The following TRIML2 variants were observed in gnomAD, a reference collection of about 807,000 sequenced individuals.
The protein encoded by TRIML2 is probable E3 ubiquitin-protein ligase TRIML2.
In TRIML2, 28 loss-of-function variants were observed where a neutral mutation model predicts 31.2. The observed-to-expected ratio is 0.90, with a 90% CI of 0.66 to 1.23. TRIML2 has a LOEUF of 1.23. Ranked by LOEUF, TRIML2 falls within the 50% of genes most tolerant of loss-of-function variation. The probability of loss-of-function intolerance (pLI) is 0.00; values close to 1 mark genes in which losing one functional copy is unlikely to be tolerated. For synonymous variants in TRIML2, 187 were observed against 197.5 expected (o/e 0.95, Z 0.45); for missense variants, 536 against 528.3 (o/e 1.01, Z -0.14).
chr4:188,106,392 CA>C (rs1734041369), intron 1 of TRIML2, among the ~76,000 whole-genome samples: 1 of 152,246 alleles, frequency 6.6e-6, no homozygotes, highest in Non-Finnish European at 1.5e-5. Flanking sequence ...AAGAGATTTG[CA>C]AAACAGTGAA....
chr4:188,101,388 T>C (rs1032500025), intron 3 of TRIML2, 138 bp from the exon 4 acceptor site: 7 of 486,106 alleles, frequency 1.4e-5, no homozygotes, highest in South Asian at 6.9e-5. Context: ...TCTTTCCATC[T>C]CTAACCCCAA....
rs1044432325 is a variant in TRIML2 at position 188,091,289 on chromosome 4, T to C, written c.*84A>G. On this transcript the variant is annotated 3_prime_UTR_variant, in exon 8 of 8. Transcript: ENST00000682553. ...GCTCCTACTCCTGGAACGCTTTTTA[T>C]TGGGTTAGTTTACACAAATTCTTTC... 6.0e-6 allele frequency: 8 copies of C among 1,343,830 alleles called. No homozygotes were observed. The highest frequency in any genetic ancestry group is 6.2e-6 in the Non-Finnish European group (6 of 974,632). 83.2% of individuals were successfully genotyped at this position (1,343,830 alleles called of 1,614,324 possible).
At chr4:188,103,157 C>A (rs1360739552) in intron 3 of TRIML2, among the ~76,000 whole-genome samples, 1 of 151,806 alleles carries the variant, frequency 6.6e-6, no homozygotes, top group Admixed American at 6.6e-5. Context: ...GGACTACAGG[C>A]ACCTGCCACC....
At chr4:188,099,274 A>T in intron 4 of TRIML2, 99 bp from the exon 5 acceptor site, 2 of 1,459,598 alleles carry the variant, frequency 1.4e-6, no homozygotes, top group Admixed American at 2.4e-5. Flanking sequence ...GTTTTTAAAA[A>T]CCTGCTTTTC....
At chr4:188,099,264 G>GCTTT (rs1733666652) in intron 4 of TRIML2, 89 bp from the exon 5 acceptor site, 1 of 1,481,992 alleles carries the variant, frequency 6.7e-7, no homozygotes, top group African/African-American at 1.4e-5. Flanking sequence ...ATTCAACCAT[G>GCTTT]TTTTTAAAAA....
At chr4:188,099,279 C>T in intron 4 of TRIML2, 104 bp from the exon 5 acceptor site, 2 of 1,448,134 alleles carry the variant, frequency 1.4e-6, no homozygotes, top group Non-Finnish European at 1.8e-6. Flanking sequence ...TAAAAACCTG[C>T]TTTTCGGTTG....
At chr4:188,099,682 C>T (rs1468331808) in intron 4 of TRIML2, among the ~76,000 whole-genome samples, 1 of 151,926 alleles carries the variant, frequency 6.6e-6, no homozygotes, top group African/African-American at 2.4e-5. Flanking sequence ...CAGGATTCCT[C>T]TCAAGAGACA....
rs10015013 is a variant in TRIML2, at chr4:188,109,563, T to A, written c.-543A>T. On this transcript the variant is annotated 5_prime_UTR_variant, in exon 1 of 8. Transcript: ENST00000682553. ...AAAGTACTGGGATTACAGGAATGAG[T>A]CACCACACCGAACCAAGGTATTTCC... 0.076 allele frequency: 11,569 copies of A among 151,928 alleles called. 572 individuals are homozygous for A. The highest frequency in any genetic ancestry group is 0.1 in the Middle Eastern group (30 of 292). The allele number at this position is 151,928 out of a possible 1,614,324, so 9.4% of individuals were successfully genotyped here. A position where few individuals can be genotyped will look rare whatever the true frequency, so the allele number is the denominator to read the frequency against.
chr4:188,097,990 T>C (rs2111166964), intron 5 of TRIML2, among the ~76,000 whole-genome samples: 1 of 151,886 alleles, frequency 6.6e-6, no homozygotes, highest in South Asian at 2.1e-4. Flanking sequence ...GACATGGTGG[T>C]GGGCGCCTGT....
chr4:188,091,484 T>C lies in TRIML2; in HGVS notation c.1203A>G (p.Gln401=), dbSNP rs781174650. 5.6e-5 allele frequency: 90 copies of C among 1,614,044 alleles called. No individual in the cohort carries two copies. Among genetic ancestry groups the C allele is most frequent in the Non-Finnish European group, 7.0e-5 (83 of 1,180,040 alleles). The change falls in exon 8 of 8, where the codon CAA becomes CAG. Residue 401 remains glutamine (Q), a synonymous_variant. Coordinates refer to ENST00000682553, the MANE Select transcript of TRIML2 (RefSeq NM_173553.4). ...LIYNFSHCAF[Q]GALRPVFSLC... ...GGGAAAACACAGGCCTGAGAGCTCC[T>C]TGGAAGGCGCAATGGGAGAAATTGT...
At chr4:188,103,875 G>A (rs926852235) in intron 3 of TRIML2, among the ~76,000 whole-genome samples, 5 of 152,034 alleles carry the variant, frequency 3.3e-5, no homozygotes, top group Admixed American at 2.0e-4. Flanking sequence ...AAGGGGGATC[G>A]GTTGAAAAAT....
intron 5 of TRIML2, 76 bp from the exon 6 acceptor site, chr4:188,097,422 C>T (rs1733569125): frequency 2.2e-6 from 3 of 1,364,604 alleles, no homozygotes; most frequent in Non-Finnish European, 3.1e-6. Context: ...GGAAAATATC[C>T]TCTTACAATG....
At chr4:188,098,703 T>C (rs994608455) in intron 5 of TRIML2, 2 of 241,282 alleles carry the variant, frequency 8.3e-6, no homozygotes, top group Non-Finnish European at 1.6e-5. Context: ...GTGCTTGAAA[T>C]ACTGTTAGTG....
At chr4:188,100,940 A>T in intron 4 of TRIML2, 116 bp downstream of exon 4, 1 of 901,858 alleles carries the variant, frequency 1.1e-6, no homozygotes, top group Non-Finnish European at 1.6e-6. Context: ...GTAGGTATAT[A>T]ATTCATTTAA....
intron 1 of TRIML2, among the ~76,000 whole-genome samples, chr4:188,106,294 A>T (rs372578127): frequency 6.6e-6 from 1 of 151,678 alleles, no homozygotes; most frequent in Non-Finnish European, 1.5e-5. Context: ...CTCGTGATCC[A>T]CCCGCCTCGG....
chr4:188,092,391 G>T (rs1479394630), intron 7 of TRIML2, among the ~76,000 whole-genome samples: 1 of 151,476 alleles, frequency 6.6e-6, no homozygotes, highest in East Asian at 2.0e-4. Flanking sequence ...AACCCAGGAG[G>T]CGGAGATTGC....
chr4:188,101,814 T>C (rs1473278118), intron 3 of TRIML2, among the ~76,000 whole-genome samples: 1 of 151,606 alleles, frequency 6.6e-6, no homozygotes, highest in African/African-American at 2.4e-5. Flanking sequence ...TTTTAGAACA[T>C]AAAATGCAGA....
At chr4:188,102,195 T>TCAAA (rs1016395044) in intron 3 of TRIML2, among the ~76,000 whole-genome samples, 1 of 150,482 alleles carries the variant, frequency 6.6e-6, no homozygotes, top group Non-Finnish European at 1.5e-5. Flanking sequence ...ATAGCCTCTG[T>TCAAA]CAAACAGAGG....
chr4:188,091,585 C>T lies in TRIML2; in HGVS notation c.1102G>A (p.Asp368Asn). 1 of 1,614,152 alleles carries T rather than the reference C, an allele frequency of 6.2e-7. No homozygotes were observed. The change falls in exon 8 of 8, where the codon GAC becomes AAC. Residue 368 changes from aspartate (D) to asparagine (N), a missense_variant. Physicochemically the swap from Asp to Asn is conservative, Grantham distance 23. Transcript: ENST00000682553. ...LKRLFLEKKL[D>N]TVGVFLDCEH... is the part of the protein sequence containing the mutation. Reference sequence around the variant, plus strand: ...CAGTCAAGGAAAACGCCAACTGTGTCCAACTTCTTTTCCAGGAAGAGCCTT... The same window carrying T: ...CAGTCAAGGAAAACGCCAACTGTGTTCAACTTCTTTTCCAGGAAGAGCCTT...
Sources: allele counts gnomAD v4.1 joint callset (sites outside exome capture counted in the v4.1 genomes callset), GRCh38; gene constraint gnomAD v4.1.1; transcripts MANE v1.5; gene names NCBI Gene and HGNC (gene_info 2026-07-23, HGNC 2026-07-21).